DPYD: variants seen among roughly 807,000 people sequenced by gnomAD.
DPYD encodes dihydropyrimidine dehydrogenase, also known as dihydropyrimidine dehydrogenase [NADP(+)].
In DPYD, 109 loss-of-function variants were observed where a neutral mutation model predicts 116.2. The ratio of observed to expected loss-of-function variants is 0.94; its 90% CI spans 0.80 to 1.10. The LOEUF (loss-of-function observed/expected upper bound fraction) is 1.10, where lower values mean the gene tolerates loss of function less well. Ranked by LOEUF, DPYD falls within the 50% of genes least tolerant of loss-of-function variation. The pLI is 0.00. For missense variants in DPYD, 1,302 were observed against 1,254.5 expected (o/e 1.04, Z -0.57); for synonymous variants, 440 against 432.0 (o/e 1.02, Z -0.23).
At chr1:97,507,764 C>T (rs186524376) in intron 13 of DPYD, among the ~76,000 whole-genome samples, 4 of 152,040 alleles carry the variant, frequency 2.6e-5, no homozygotes, top group East Asian at 3.9e-4. Flanking sequence ...TTTGTGCAAA[C>T]GCAGGAGCAA....
intron 18 of DPYD, among the ~76,000 whole-genome samples, chr1:97,299,219 T>C (rs532441216): frequency 6.6e-6 from 1 of 152,290 alleles, no homozygotes; most frequent in South Asian, 2.1e-4. Context: ...CAATACTCTC[T>C]AGTTTTACTT....
chr1:97,430,687 C>T (rs887760605), intron 14 of DPYD, among the ~76,000 whole-genome samples: 80 of 152,184 alleles, frequency 5.3e-4, no homozygotes, highest in African/African-American at 1.9e-3. Flanking sequence ...TGGGGCTTGG[C>T]CCTAGGAACA....
chr1:97,338,733 T>C (rs923411439), intron 16 of DPYD, among the ~76,000 whole-genome samples: 1 of 152,190 alleles, frequency 6.6e-6, no homozygotes, highest in Non-Finnish European at 1.5e-5. Flanking sequence ...GTGTAATCAC[T>C]AGCTCACCAG....
Position 97,368,146 on chromosome 1 carries a change from C to T in DPYD, c.2058+5415G>A, listed in dbSNP as rs745463333. Among the ~76,000 whole-genome samples the T allele has an allele frequency of 1.2e-4, 18 of 152,116 alleles. No individual in the cohort carries two copies. In the Middle Eastern group the frequency reaches 0.01, roughly 86 times the overall value. ...ATAGTAGGGAGTAGCCAGGGCAATG[C>T]GTTGACTTTTCCTGCTTGACCAGAA... On this transcript the variant is annotated intron_variant, in intron 16 of 22. Coordinates refer to ENST00000370192, the MANE Select transcript of DPYD (RefSeq NM_000110.4).
At chr1:97,533,131 T>C (rs1262110033) in intron 12 of DPYD, among the ~76,000 whole-genome samples, 2 of 149,522 alleles carry the variant, frequency 1.3e-5, no homozygotes, top group African/African-American at 2.5e-5. Context: ...CCTGCCCCCA[T>C]GATTCAATCA....
At chr1:97,132,449 C>T (rs1481477620) in intron 20 of DPYD, among the ~76,000 whole-genome samples, 3 of 152,094 alleles carry the variant, frequency 2.0e-5, no homozygotes, top group African/African-American at 7.2e-5. Context: ...ATCTTCACAG[C>T]TCCATATTTC....
intron 19 of DPYD, among the ~76,000 whole-genome samples, chr1:97,224,342 C>G (rs778710116): frequency 6.6e-6 from 1 of 151,890 alleles, no homozygotes; most frequent in Non-Finnish European, 1.5e-5. Flanking sequence ...CTAGCTAATT[C>G]CTTAGTTTTT....
At chr1:97,435,576 T>C (rs895794643) in intron 14 of DPYD, among the ~76,000 whole-genome samples, 2 of 151,974 alleles carry the variant, frequency 1.3e-5, no homozygotes, top group African/African-American at 2.4e-5. Context: ...ATCACAGATA[T>C]AGTTTAAACT....
rs1394032740 is a variant in DPYD at position 97,871,787 on chromosome 1, C to A, written c.150+11477G>T. On this transcript the variant is annotated intron_variant, in intron 2 of 22. Transcript: ENST00000370192. ...AGTATCTTGCTGCTCAGTACTTCTC[C>A]ATGGTTTTTCCATATACATTGTTCT... is the stretch of plus-strand genomic sequence containing the variant. 4.0e-5 allele frequency among the ~76,000 whole-genome samples: 6 copies of A among 151,756 alleles called. No homozygotes were observed. The East Asian group carries it at 1.2e-3, about 30-fold the overall frequency.
intron 18 of DPYD, among the ~76,000 whole-genome samples, chr1:97,287,179 A>G (rs1001319462): frequency 2.0e-5 from 3 of 152,190 alleles, no homozygotes; most frequent in East Asian, 3.9e-4. Flanking sequence ...GTTGGAGTTT[A>G]CTAGAGGTCC....
chr1:97,332,905 G>A (rs960044119), intron 16 of DPYD, among the ~76,000 whole-genome samples: 3 of 152,228 alleles, frequency 2.0e-5, no homozygotes, highest in Admixed American at 2.0e-4. Context: ...TGCAGTGAGG[G>A]TATGTGAATG....
intron 16 of DPYD, among the ~76,000 whole-genome samples, chr1:97,310,968 A>C (rs1285085154): frequency 6.6e-6 from 1 of 151,830 alleles, no homozygotes; most frequent in East Asian, 1.9e-4. Context: ...AATAAAACAA[A>C]ATGATGCTAA....
chr1:97,684,687 C>T (rs925031806), intron 7 of DPYD, among the ~76,000 whole-genome samples: 5 of 151,824 alleles, frequency 3.3e-5, no homozygotes, highest in South Asian at 4.1e-4. Flanking sequence ...CACAGAAATA[C>T]AAACAAGCAT....
intron 3 of DPYD, among the ~76,000 whole-genome samples, chr1:97,771,115 C>T (rs966697950): frequency 2.0e-5 from 3 of 151,698 alleles, no homozygotes; most frequent in Admixed American, 1.3e-4. Flanking sequence ...CTCAGGAGTT[C>T]GAGGTCAGCC....
At chr1:97,689,441 A>G (rs1660897774) in intron 7 of DPYD, among the ~76,000 whole-genome samples, 1 of 152,050 alleles carries the variant, frequency 6.6e-6, no homozygotes, top group South Asian at 2.1e-4. Flanking sequence ...ATAAGTTCTG[A>G]ACAATTATTT....
At position 97,883,289 on chromosome 1, in the gene DPYD, T is replaced by C. The variant is rs1672319464; in HGVS notation, c.125A>G (p.Lys42Arg). The change falls in exon 2 of 23, where the codon AAA (lysine) becomes AGA (arginine). Residue 42 changes from lysine (K) to arginine (R), a missense_variant. Physicochemically the swap from Lys to Arg is conservative, Grantham distance 26 (BLOSUM62 2). Transcript: ENST00000370192. ...AAAGCAGTTCTTATCAGGATTTCTT[T>C]TCCAATGTTTCTTGTCTAATTTCTT... ...SAKKLDKKHW[K>R]RNPDKNCFNC... The C allele has an allele frequency of 6.2e-7, 1 of 1,611,724 alleles. No homozygotes were observed. The highest frequency in any genetic ancestry group is 1.3e-5 in the African/African-American group (1 of 74,836).
intron 16 of DPYD, among the ~76,000 whole-genome samples, chr1:97,349,945 C>A (rs1184384870): frequency 0.023 from 3,092 of 133,536 alleles, 1 homozygote; most frequent in Non-Finnish European, 0.029. Context: ...TAAAAGAATC[C>A]AAAAAAAAAA....
intron 20 of DPYD, among the ~76,000 whole-genome samples, chr1:97,114,183 T>A (rs1369305632): frequency 6.6e-6 from 1 of 152,130 alleles, no homozygotes; most frequent in Non-Finnish European, 1.5e-5. Context: ...TGAGTGACTA[T>A]CACAAAGAAA....
intron 14 of DPYD, among the ~76,000 whole-genome samples, chr1:97,449,692 G>A (rs1339899850): frequency 6.6e-6 from 1 of 152,080 alleles, no homozygotes; most frequent in Non-Finnish European, 1.5e-5. Context: ...TTCTGCCTCA[G>A]GTTTATATTT....
Sources: allele counts gnomAD v4.1 joint callset (sites outside exome capture counted in the v4.1 genomes callset), GRCh38; gene constraint gnomAD v4.1.1; transcripts MANE v1.5; gene names NCBI Gene and HGNC (gene_info 2026-07-23, HGNC 2026-07-21).